Variants in HSDL1 observed in about 807,000 individuals in gnomAD.
HSDL1 encodes hydroxysteroid dehydrogenase like 1, also known as inactive hydroxysteroid dehydrogenase-like protein 1.
HSDL1 carries 29 observed loss-of-function variants against 31.5 expected under a neutral mutation model. The ratio of observed to expected loss-of-function variants is 0.92; its 90% CI spans 0.69 to 1.26. The LOEUF is 1.26. Among genes scored for constraint, HSDL1 ranks in the 50% most tolerant of loss-of-function variants. HSDL1 has a pLI of 0.00. For synonymous variants in HSDL1, 222 were observed against 155.2 expected, an observed-to-expected ratio of 1.43 and a Z score of -3.20; for missense variants, 503 against 416.6, an observed-to-expected ratio of 1.21 and a Z score of -1.81.
chr16:84,134,842 T>C (rs1477809546), intron 2 of HSDL1, among the ~76,000 whole-genome samples: 2 of 152,184 alleles, frequency 1.3e-5, no homozygotes, highest in African/African-American at 4.8e-5. Context: ...TAACAAGCTA[T>C]GACTAAAGAA....
At position 84,125,940 on chromosome 16, in the gene HSDL1, A is replaced by G. The variant is rs538655874; in HGVS notation, c.895-1212T>C. On this transcript the variant is annotated intron_variant, in intron 5 of 5. Transcript: ENST00000219439. ...AACAGGGTGAAACCCCATCTCTACT[A>G]AAAATACAAAAAATTAGCCAGGCGT... Among the ~76,000 whole-genome samples, 3 of 152,222 alleles carry G rather than the reference A, an allele frequency of 2.0e-5. No homozygotes were observed. The East Asian group carries it at 5.8e-4, about 29-fold the overall frequency.
intron 1 of HSDL1, among the ~76,000 whole-genome samples, chr16:84,142,776 T>A (rs2086780728): frequency 6.6e-6 from 1 of 152,268 alleles, no homozygotes; most frequent in African/African-American, 2.4e-5. Context: ...CATGCTGCTG[T>A]AGACAACTTT....
chr16:84,134,176 G>A (rs140675334), intron 2 of HSDL1, among the ~76,000 whole-genome samples: 42 of 152,102 alleles, frequency 2.8e-4, no homozygotes, highest in Admixed American at 6.5e-4. Flanking sequence ...AGGAAGCCGC[G>A]CCACCACCCC....
Position 84,130,219 on chromosome 16 carries a change from C to T in HSDL1, c.433G>A (p.Val145Ile), listed in dbSNP as rs770891105. 5.6e-6 allele frequency: 9 copies of T among 1,614,090 alleles called. No individual in the cohort carries two copies. The highest frequency in any genetic ancestry group is 2.2e-5 in the East Asian group (1 of 44,900). The change falls in exon 4 of 6, where the codon GTT (valine) becomes ATT (isoleucine). Residue 145 changes from valine to isoleucine, a missense_variant. Coordinates refer to ENST00000219439, the MANE Select transcript of HSDL1 (RefSeq NM_031463.5). ...PIREALKDKDVGILVNNVGVF... is the reference protein window; with the variant it reads ...PIREALKDKDIGILVNNVGVF... ...CCCACGTTATTTACCAAGATGCCAA[C>T]GTCTTTGTCCTTCAGGGCTTCTCGA...
intron 5 of HSDL1, among the ~76,000 whole-genome samples, chr16:84,127,779 T>C (rs1203996018): frequency 6.8e-6 from 1 of 146,934 alleles, no homozygotes. Context: ...AGTGCAGTGG[T>C]GTGATCTCGG....
chr16:84,132,207 G>A (rs536880968), intron 2 of HSDL1, among the ~76,000 whole-genome samples: 49 of 152,144 alleles, frequency 3.2e-4, no homozygotes, highest in Non-Finnish European at 5.7e-4. Context: ...TACAGCAGAG[G>A]TACATGTATT....
At chr16:84,132,171 A>G (rs530532396) in intron 2 of HSDL1, among the ~76,000 whole-genome samples, 1 of 152,384 alleles carries the variant, frequency 6.6e-6, no homozygotes, top group East Asian at 1.9e-4. Context: ...TAGTCTAATA[A>G]TAACAAACAC....
intron 3 of HSDL1, 50 bp from the exon 4 acceptor site, chr16:84,130,481 C>T: frequency 6.8e-7 from 1 of 1,478,148 alleles, no homozygotes; most frequent in Non-Finnish European, 9.2e-7. Flanking sequence ...CGGTGTGACC[C>T]TTAAAATGGA....
chr16:84,134,593 C>CA (rs1428218556), intron 2 of HSDL1, among the ~76,000 whole-genome samples: 4 of 152,012 alleles, frequency 2.6e-5, no homozygotes, highest in Non-Finnish European at 5.9e-5. Flanking sequence ...GCCTGGGCGA[C>CA]AGAGTTAGAC....
chr16:84,129,243 G>C (rs2086637521), intron 5 of HSDL1, among the ~76,000 whole-genome samples: 1 of 152,010 alleles, frequency 6.6e-6, no homozygotes, highest in Non-Finnish European at 1.5e-5. Flanking sequence ...AGCCAGGCGT[G>C]GTGGCAGGTG....
intron 1 of HSDL1, 106 bp from the exon 2 acceptor site, chr16:84,135,711 CACA>C (rs1341092588): frequency 6.6e-6 from 1 of 152,228 alleles, no homozygotes; most frequent in Non-Finnish European, 1.5e-5. Context: ...ATTAAGAAAA[CACA>C]ACAATTCTTA....
At chr16:84,127,943 T>A (rs1210103369) in intron 5 of HSDL1, among the ~76,000 whole-genome samples, 3 of 150,020 alleles carry the variant, frequency 2.0e-5, no homozygotes, top group Non-Finnish European at 4.5e-5. Flanking sequence ...ATGGTCTCGA[T>A]CTCCTGACCT....
At chr16:84,143,631 A>C (rs1447939011) in intron 1 of HSDL1, among the ~76,000 whole-genome samples, 1 of 152,128 alleles carries the variant, frequency 6.6e-6, no homozygotes, top group African/African-American at 2.4e-5. Context: ...CGATTTTTGA[A>C]AACCTACTTT....
At chr16:84,141,632 C>T (rs2086770319) in intron 1 of HSDL1, among the ~76,000 whole-genome samples, 2 of 152,224 alleles carry the variant, frequency 1.3e-5, no homozygotes, top group African/African-American at 4.8e-5. Context: ...GCAGCAGGTT[C>T]GTGCCACTCC....
intron 2 of HSDL1, among the ~76,000 whole-genome samples, 156 bp from the exon 3 acceptor site, chr16:84,131,483 G>GTCTGTCTGTCTGTCTGTCTGTCTA (rs1232519658): frequency 5.5e-4 from 79 of 144,240 alleles, no homozygotes; most frequent in African/African-American, 2.0e-3. Flanking sequence ...CACAGTTTCA[G>GTCTGTCTGTCTGTCTGTCTGTCTA]TCTATCTATC....
intron 1 of HSDL1, among the ~76,000 whole-genome samples, chr16:84,142,363 CT>C (rs1182486645): frequency 6.7e-6 from 1 of 149,156 alleles, no homozygotes; most frequent in African/African-American, 2.5e-5. Context: ...TACATTTTTG[CT>C]TTTTCAGTTT....
intron 4 of HSDL1, 40 bp from the exon 5 acceptor site, chr16:84,129,815 G>T: frequency 6.5e-7 from 1 of 1,537,000 alleles, no homozygotes; most frequent in Non-Finnish European, 8.9e-7. Flanking sequence ...TTAATTCTGG[G>T]TGAACTTGAA....
At chr16:84,137,853 T>C (rs2086726700) in intron 1 of HSDL1, among the ~76,000 whole-genome samples, 1 of 152,238 alleles carries the variant, frequency 6.6e-6, no homozygotes, top group Non-Finnish European at 1.5e-5. Flanking sequence ...GAAGTCCACT[T>C]AGGCATATGT....
In HSDL1 at chr16:84,124,712, T is replaced by C; in HGVS notation, c.911A>G (p.Tyr304Cys). The stretch of plus-strand genomic sequence containing the variant: ...CCACACCCAGAGCCATTCAGGCATA[T>C]ACTGTGCAAAAAGAAACTAAAAATG... ...SHSIQFLFAQ[Y>C]MPEWLWVWGA... The change falls in exon 6 of 6, where the codon TAT (tyrosine) becomes TGT (cysteine). Residue 304 changes from tyrosine (Y) to cysteine (C), a missense_variant. Coordinates refer to ENST00000219439, the MANE Select transcript of HSDL1 (RefSeq NM_031463.5). 1.2e-6 allele frequency: 2 copies of C among 1,613,168 alleles called. No individual in the cohort carries two copies. Among genetic ancestry groups the C allele is most frequent in the African/African-American group, 1.3e-5 (1 of 75,018 alleles).
Sources: gnomAD v4.1 joint callset for allele counts (sites outside exome capture counted in the v4.1 genomes callset) on GRCh38, gnomAD v4.1.1 for gene constraint, MANE v1.5 for transcripts, NCBI Gene and HGNC (gene_info 2026-07-23, HGNC 2026-07-21) for gene names.